NECTIN1: variants seen among roughly 807,000 people sequenced by gnomAD.
NECTIN1 encodes the protein nectin-1.
A neutral mutation model predicts 48.0 loss-of-function variants in NECTIN1; 23 were observed. The ratio of observed to expected loss-of-function variants is 0.48; its 90% CI spans 0.34 to 0.68. NECTIN1 has a LOEUF of 0.68. Ranked by LOEUF, NECTIN1 falls within the 30% of genes least tolerant of loss-of-function variation. NECTIN1 has a pLI of 0.01. For missense variants in NECTIN1, 591 were observed against 709.9 expected (o/e 0.83, Z 1.90); for synonymous variants, 270 against 288.9 (o/e 0.93, Z 0.66).
chr11:119,682,482 C>A (rs1046197179), intron 1 of NECTIN1, among the ~76,000 whole-genome samples: 2 of 152,174 alleles, frequency 1.3e-5, no homozygotes, highest in Non-Finnish European at 2.9e-5. Context: ...CCGTCACCAC[C>A]CTTTCAGGCA....
At chr11:119,674,518 G>C in intron 5 of NECTIN1, 1 of 1,613,916 alleles carries the variant, frequency 6.2e-7, no homozygotes, top group East Asian at 2.2e-5. Context: ...AGATGGTGGG[G>C]GGGGCCCTGT....
intron 1 of NECTIN1, among the ~76,000 whole-genome samples, chr11:119,694,777 A>G (rs1865313596): frequency 6.6e-6 from 1 of 152,112 alleles, no homozygotes; most frequent in South Asian, 2.1e-4. Flanking sequence ...CAGGCCCTCA[A>G]TGATACCCCT....
intron 5 of NECTIN1, among the ~76,000 whole-genome samples, chr11:119,646,327 T>C (rs1009474025): frequency 1.3e-5 from 2 of 152,252 alleles, no homozygotes; most frequent in East Asian, 1.9e-4. Context: ...AAGTGCTTAG[T>C]ACAGTGCGTG....
At chr11:119,702,971 G>A (rs150186145) in intron 1 of NECTIN1, among the ~76,000 whole-genome samples, 29 of 152,250 alleles carry the variant, frequency 1.9e-4, no homozygotes, top group African/African-American at 6.7e-4. Flanking sequence ...AACCCCCCTT[G>A]CTCTATGTTC....
At chr11:119,698,380 G>A (rs1797290576) in intron 1 of NECTIN1, among the ~76,000 whole-genome samples, 1 of 152,230 alleles carries the variant, frequency 6.6e-6, no homozygotes, top group African/African-American at 2.4e-5. Context: ...TTCAGCATAT[G>A]AGATTCTACC....
rs1187525878 is a variant in NECTIN1, at chr11:119,677,877, G to A, written c.431-20C>T. 1 of 1,611,626 alleles carries A rather than the reference G, an allele frequency of 6.2e-7. No homozygotes were observed. Among genetic ancestry groups the A allele is most frequent in the East Asian group, 2.2e-5 (1 of 44,882 alleles). On this transcript the variant is annotated intron_variant, in intron 2 of 5. Transcript: ENST00000264025. The surrounding 1 kb of genome is among the most constrained non-coding windows in gnomAD (Gnocchi z 5.4). The stretch of plus-strand genomic sequence containing the variant: ...GTTTGGCTGCGAGGAAGCAGAGAGA[G>A]TGATGGGACTAGCCCTGTTGACTTG...
At chr11:119,704,912 A>G (rs967471887) in intron 1 of NECTIN1, among the ~76,000 whole-genome samples, 2 of 152,244 alleles carry the variant, frequency 1.3e-5, no homozygotes, top group Non-Finnish European at 2.9e-5. Flanking sequence ...TGGCCCTGCC[A>G]CTTACATGTG....
intron 5 of NECTIN1, chr11:119,674,590 C>G: frequency 1.2e-6 from 2 of 1,614,198 alleles, no homozygotes; most frequent in Non-Finnish European, 1.7e-6. Flanking sequence ...TGAAGTCTCT[C>G]CTCAGAACAT....
intron 1 of NECTIN1, among the ~76,000 whole-genome samples, chr11:119,724,264 A>C (rs1203772856): frequency 6.6e-6 from 1 of 152,184 alleles, no homozygotes; most frequent in Non-Finnish European, 1.5e-5. Context: ...CCAGCCGTTC[A>C]TGGATCATGA....
At chr11:119,667,146 C>T (rs747991505) in intron 5 of NECTIN1, among the ~76,000 whole-genome samples, 27 of 152,158 alleles carry the variant, frequency 1.8e-4, no homozygotes, top group Non-Finnish European at 3.4e-4. Flanking sequence ...AAGCATCTCC[C>T]GGCTCACCAG....
chr11:119,640,145 T>C, intron 5 of NECTIN1: 1 of 993,806 alleles, frequency 1.0e-6, no homozygotes, highest in Admixed American at 2.0e-5. Flanking sequence ...CCCCTCCCCA[T>C]GGTGCTCCAG....
rs925998059 is a variant in NECTIN1 at position 119,677,711 on chromosome 11, C to T, written c.577G>A (p.Ala193Thr). The change falls in exon 3 of 6, where the codon GCA becomes ACA. Residue 193 changes from alanine (A) to threonine (T), a missense_variant. Transcript: ENST00000264025. The surrounding 1 kb of genome is among the most constrained non-coding windows in gnomAD (Gnocchi z 5.4). ...GGGTTCCGGATCTCCTGGTACTCTG[C>T]CTCACCTTTTAACCGAGTTTCCCAG... ...VSWETRLKGE[A>T]EYQEIRNPNG... The T allele has an allele frequency of 1.9e-6, 3 of 1,614,032 alleles. No individual in the cohort carries two copies. Among genetic ancestry groups the T allele is most frequent in the Admixed American group, 3.3e-5 (2 of 60,010 alleles).
intron 1 of NECTIN1, among the ~76,000 whole-genome samples, chr11:119,695,604 G>C (rs1457250138): frequency 1.3e-5 from 2 of 152,210 alleles, no homozygotes; most frequent in Non-Finnish European, 2.9e-5. Flanking sequence ...GGGGGTGCCT[G>C]GTGGCTTCTC....
Position 119,717,547 on chromosome 11 carries a change from G to A in NECTIN1, c.79+10928C>T, listed in dbSNP as rs1865763540. On this transcript the variant is annotated intron_variant, in intron 1 of 5. Transcript: ENST00000264025. ...GGGGGTGGGGGAGGTGGGCAATCAC[G>A]ATAAAATAATCCAGTGCAGTGTGGC... Among the ~76,000 whole-genome samples the A allele has an allele frequency of 2.0e-5, 3 of 152,158 alleles. 1 individual carries two copies. Among genetic ancestry groups the A allele is most frequent in the South Asian group, 4.1e-4 (2 of 4,828 alleles).
intron 5 of NECTIN1, among the ~76,000 whole-genome samples, chr11:119,655,745 G>A (rs1864563184): frequency 6.6e-6 from 1 of 152,156 alleles, no homozygotes; most frequent in Non-Finnish European, 1.5e-5. Flanking sequence ...CGTAGGGGAG[G>A]GAAATTTTGT....
intron 1 of NECTIN1, among the ~76,000 whole-genome samples, chr11:119,710,836 C>T (rs1321691199): frequency 6.6e-6 from 1 of 152,152 alleles, no homozygotes; most frequent in Non-Finnish European, 1.5e-5. Context: ...ACACCCCACA[C>T]AAAGAACCGT....
intron 1 of NECTIN1, among the ~76,000 whole-genome samples, chr11:119,714,308 C>T (rs1290620855): frequency 6.6e-6 from 1 of 152,154 alleles, no homozygotes; most frequent in Non-Finnish European, 1.5e-5. Context: ...GTGCCTCACC[C>T]TGACACATGC....
chr11:119,664,399 G>A lies in NECTIN1; in HGVS notation c.*348C>T, dbSNP rs748100409. 383 of 1,088,408 alleles carry A rather than the reference G, an allele frequency of 3.5e-4. No homozygotes were observed. Among genetic ancestry groups the A allele is most frequent in the Non-Finnish European group, 4.1e-4 (363 of 894,682 alleles). The allele number at this position is 1,088,408 out of a possible 1,614,324, so 67.4% of individuals were successfully genotyped here. ...CAAATTCCAGTGTAGGGGGGCGGGGGAGGCTGGCTCCCCAAACCCTGGAGG... is the reference window on the plus strand; with the variant it reads ...CAAATTCCAGTGTAGGGGGGCGGGGAAGGCTGGCTCCCCAAACCCTGGAGG... On this transcript the variant is annotated 3_prime_UTR_variant, in exon 6 of 6. Coordinates refer to ENST00000264025, the MANE Select transcript of NECTIN1 (RefSeq NM_002855.5).
chr11:119,679,044 T>C (rs1375419557), intron 1 of NECTIN1, among the ~76,000 whole-genome samples: 1 of 152,220 alleles, frequency 6.6e-6, no homozygotes, highest in East Asian at 1.9e-4. Context: ...ATCTATCTAT[T>C]TTAAAAAGTC....
Sources: gnomAD v4.1 joint callset for allele counts (sites outside exome capture counted in the v4.1 genomes callset) on GRCh38, gnomAD v4.1.1 for gene constraint, Gnocchi (gnomAD v3.1) non-coding constraint, MANE v1.5 for transcripts, NCBI Gene and HGNC (gene_info 2026-07-23, HGNC 2026-07-21) for gene names.